The following GPC5 variants were observed in gnomAD, a reference collection of about 807,000 sequenced individuals.
GPC5 encodes glypican-5.
Under a neutral mutation model 53.9 loss-of-function variants are expected in GPC5, and 47 were observed. The ratio of observed to expected loss-of-function variants is 0.87; its 90% confidence interval spans 0.69 to 1.11. The LOEUF (loss-of-function observed/expected upper bound fraction) is 1.11, where lower values mean the gene tolerates loss of function less well. GPC5 is among the 50% of genes most tolerant of loss of function. The pLI is 0.00. For missense variants in GPC5, 748 were observed against 713.1 expected (o/e 1.05, Z -0.56); for synonymous variants, 286 against 263.3 (o/e 1.09, Z -0.84).
Position 91,693,791 on chromosome 13 carries a change from C to T in GPC5, c.930C>T (p.Tyr310=), listed in dbSNP as rs1035490224. 16 of 1,613,802 alleles carry T rather than the reference C, an allele frequency of 9.9e-6. No individual in the cohort carries two copies. Among genetic ancestry groups the T allele is most frequent in the Non-Finnish European group, 1.3e-5 (15 of 1,180,018 alleles). Residue 310 remains tyrosine, a synonymous_variant, in exon 3 of 8, where the codon TAC becomes TAT. Transcript: ENST00000377067. Reference sequence around the variant, plus strand: ...TCTCGGATGCAATGCATGGAACATACGACATTGGACACGTGCTGCTGAACT... The same window carrying T: ...TCTCGGATGCAATGCATGGAACATATGACATTGGACACGTGCTGCTGAACT... ...EELSDAMHGT[Y]DIGHVLLNFH... is the part of the protein sequence containing the mutation.
In GPC5 at chr13:92,404,836, A is replaced by G. The variant is rs543417795; in HGVS notation, c.1561+259847A>G. On this transcript the variant is annotated intron_variant, in intron 7 of 7. Coordinates refer to ENST00000377067, the MANE Select transcript of GPC5 (RefSeq NM_004466.6). ...AAATATATTACCCCTAAGTATGATC[A>G]TCTTAAATTATTTATTAAGGTGGTA... Among the ~76,000 whole-genome samples the G allele has an allele frequency of 4.7e-5, 7 of 150,126 alleles. No individual in the cohort carries two copies. The South Asian group carries it at 1.5e-3, about 32-fold the overall frequency.
intron 7 of GPC5, among the ~76,000 whole-genome samples, chr13:92,645,963 A>G (rs1885753799): frequency 6.6e-6 from 1 of 151,960 alleles, no homozygotes; most frequent in South Asian, 2.1e-4. Context: ...ATTTTCTCCC[A>G]TTCTGTGGAT....
At chr13:91,645,439 T>C (rs946270385) in intron 2 of GPC5, among the ~76,000 whole-genome samples, 51 of 152,156 alleles carry the variant, frequency 3.4e-4, no homozygotes, top group Non-Finnish European at 2.6e-4. Context: ...CACTTAAATA[T>C]AGCTAAACTT....
chr13:91,433,487 G>A (rs1207285903), intron 1 of GPC5, among the ~76,000 whole-genome samples: 1 of 151,866 alleles, frequency 6.6e-6, no homozygotes, highest in Non-Finnish European at 1.5e-5. Context: ...TGCTGAGAAC[G>A]ATGGTTTCCA....
intron 7 of GPC5, among the ~76,000 whole-genome samples, chr13:92,848,698 C>T (rs1330595487): frequency 6.6e-6 from 1 of 151,994 alleles, no homozygotes; most frequent in Non-Finnish European, 1.5e-5. Flanking sequence ...AAGAAGGAAA[C>T]ACACACACTT....
At chr13:91,437,163 A>T (rs1383818364) in intron 1 of GPC5, among the ~76,000 whole-genome samples, 1 of 152,180 alleles carries the variant, frequency 6.6e-6, no homozygotes, top group South Asian at 2.1e-4. Flanking sequence ...CGTGTCTTTT[A>T]ATTGGAGCAT....
chr13:92,421,111 T>A (rs974274385), intron 7 of GPC5, among the ~76,000 whole-genome samples: 5 of 152,230 alleles, frequency 3.3e-5, no homozygotes, highest in Non-Finnish European at 5.9e-5. Flanking sequence ...TTTTTAACCC[T>A]GTGAAGTACA....
At chr13:92,236,050 T>C (rs896932547) in intron 7 of GPC5, among the ~76,000 whole-genome samples, 1 of 152,098 alleles carries the variant, frequency 6.6e-6, no homozygotes, top group Non-Finnish European at 1.5e-5. Context: ...CTGATCCTTG[T>C]ATGACCTCTT....
At chr13:92,814,096 AATGAAGCT>A (rs1877384315) in intron 7 of GPC5, among the ~76,000 whole-genome samples, 3 of 152,032 alleles carry the variant, frequency 2.0e-5, no homozygotes, top group Admixed American at 2.0e-4. Flanking sequence ...ATTGATTTGT[AATGAAGCT>A]ACAATGGGAA....
intron 6 of GPC5, among the ~76,000 whole-genome samples, chr13:92,062,899 T>C (rs1159879980): frequency 6.6e-6 from 1 of 152,028 alleles, no homozygotes; most frequent in Admixed American, 6.5e-5. Flanking sequence ...TTGCTGGAGA[T>C]ACAGTTATGA....
intron 7 of GPC5, among the ~76,000 whole-genome samples, chr13:92,759,195 AT>A (rs113778146): frequency 2.2e-4 from 32 of 143,850 alleles, no homozygotes; most frequent in Admixed American, 1.1e-3. Flanking sequence ...TAATACCTCC[AT>A]TTTTTTTTTC....
At chr13:92,180,325 A>T (rs2042137590) in intron 7 of GPC5, among the ~76,000 whole-genome samples, 1 of 152,250 alleles carries the variant, frequency 6.6e-6, no homozygotes, top group Admixed American at 6.5e-5. Context: ...CTGCATTTTA[A>T]CAAATGGGAA....
intron 6 of GPC5, among the ~76,000 whole-genome samples, chr13:92,094,460 G>A (rs1235056102): frequency 7.3e-6 from 1 of 136,146 alleles, no homozygotes; most frequent in East Asian, 2.1e-4. Context: ...GGCGGAGCTT[G>A]CAGTGAGCCG....
chr13:91,817,421 T>C (rs1381440106), intron 5 of GPC5, among the ~76,000 whole-genome samples: 2 of 152,194 alleles, frequency 1.3e-5, no homozygotes, highest in Non-Finnish European at 1.5e-5. Context: ...TGCGCAGTCA[T>C]GTCTGTAGAT....
At chr13:92,699,947 C>A (rs994164188) in intron 7 of GPC5, among the ~76,000 whole-genome samples, 2 of 152,168 alleles carry the variant, frequency 1.3e-5, no homozygotes, top group African/African-American at 4.8e-5. Flanking sequence ...ATTAGGTCCA[C>A]TTGTTCCAGA....
intron 7 of GPC5, among the ~76,000 whole-genome samples, chr13:92,301,422 A>T (rs530417082): frequency 6.6e-6 from 1 of 152,302 alleles, no homozygotes; most frequent in East Asian, 1.9e-4. Context: ...TAAAAAATAC[A>T]GTAGCAAGAA....
chr13:91,693,713 C>G lies in GPC5; in HGVS notation c.852C>G (p.His284Gln). 6.2e-7 allele frequency: 1 copy of G among 1,614,188 alleles called. No homozygotes were observed. Among genetic ancestry groups the G allele is most frequent in the Non-Finnish European group, 8.5e-7 (1 of 1,180,028 alleles). ...CLNVMRGCLA[H>Q]MAELNPHWHA... ...ATGTCATGCGAGGCTGCCTGGCGCA[C>G]ATGGCGGAGCTTAATCCACACTGGC... is the stretch of plus-strand genomic sequence containing the variant. The change falls in exon 3 of 8, where the codon CAC becomes CAG. Residue 284 changes from histidine (H) to glutamine (Q), a missense_variant. His to Gln is a conservative substitution (Grantham distance 24). Coordinates refer to ENST00000377067, the MANE Select transcript of GPC5 (RefSeq NM_004466.6).
intron 1 of GPC5, among the ~76,000 whole-genome samples, chr13:91,414,587 G>A (rs1192407179): frequency 1.3e-5 from 2 of 152,214 alleles, no homozygotes; most frequent in African/African-American, 2.4e-5. Context: ...GGACAATGAA[G>A]ACAAAGGAGG....
At chr13:91,578,935 C>T (rs2032242743) in intron 2 of GPC5, among the ~76,000 whole-genome samples, 2 of 151,828 alleles carry the variant, frequency 1.3e-5, no homozygotes, top group South Asian at 4.2e-4. Flanking sequence ...TAGTCCCAGT[C>T]ACTTGGAGGC....
Sources: allele counts gnomAD v4.1 joint callset (sites outside exome capture counted in the v4.1 genomes callset), GRCh38; gene constraint gnomAD v4.1.1; transcripts MANE v1.5; gene names NCBI Gene and HGNC (gene_info 2026-07-23, HGNC 2026-07-21).